Variants in CSMD1 observed in about 807,000 individuals in gnomAD.
CSMD1 encodes CUB and Sushi multiple domains 1.
CSMD1 carries 213 observed loss-of-function variants against 417.5 expected under a neutral mutation model. The ratio of observed to expected loss-of-function variants is 0.51; its 90% CI spans 0.46 to 0.57. The LOEUF (loss-of-function observed/expected upper bound fraction) is 0.57. Ranked by LOEUF, CSMD1 falls within the 20% of genes least tolerant of loss-of-function variation. CSMD1 has a pLI of 0.00. For missense variants in CSMD1, 6,923 were observed against 4,529.7 expected (o/e 1.53, Z -15.17); for synonymous variants, 2,862 against 1,736.8 (o/e 1.65, Z -16.11).
At chr8:4,445,969 G>C (rs971276188) in intron 2 of CSMD1, among the ~76,000 whole-genome samples, 2 of 152,118 alleles carry the variant, frequency 1.3e-5, no homozygotes, top group Non-Finnish European at 2.9e-5. Context: ...TAGACGAAAG[G>C]ATAGCAACAA....
intron 7 of CSMD1, among the ~76,000 whole-genome samples, chr8:3,625,553 T>G (rs1240361181): frequency 2.6e-5 from 4 of 152,170 alleles, no homozygotes; most frequent in Non-Finnish European, 5.9e-5. Context: ...TCAACTGCCA[T>G]GGTCTTAAAT....
intron 3 of CSMD1, among the ~76,000 whole-genome samples, chr8:4,238,410 A>G (rs1480718456): frequency 6.6e-6 from 1 of 152,164 alleles, no homozygotes; most frequent in East Asian, 1.9e-4. Context: ...CACACATGGT[A>G]TACCCTAGAG....
intron 69 of CSMD1, 78 bp from the exon 70 acceptor site, chr8:2,938,822 C>T (rs190750143): frequency 1.5e-6 from 2 of 1,304,340 alleles, no homozygotes; most frequent in Admixed American, 2.0e-5. Flanking sequence ...GTGCAGGAGA[C>T]AACGTCTACA....
At chr8:4,202,432 C>G (rs1047432467) in intron 3 of CSMD1, among the ~76,000 whole-genome samples, 3 of 152,060 alleles carry the variant, frequency 2.0e-5, no homozygotes, top group African/African-American at 7.2e-5. Context: ...ATGTAGAGGT[C>G]GTGGAAATGT....
At chr8:2,942,949 A>T (rs2604124) in intron 68 of CSMD1, among the ~76,000 whole-genome samples, 118,160 of 152,096 alleles carry the variant, frequency 0.78, 46,249 homozygotes, top group East Asian at 0.91. Flanking sequence ...CTATATTCAG[A>T]GGTCAATAAT....
intron 26 of CSMD1, among the ~76,000 whole-genome samples, chr8:3,244,037 A>G (rs982688491): frequency 1.3e-5 from 2 of 152,190 alleles, no homozygotes; most frequent in Non-Finnish European, 2.9e-5. Flanking sequence ...TGCTTCTCAC[A>G]TCTGTAGAAA....
At chr8:3,633,339 G>A (rs185311841) in intron 7 of CSMD1, among the ~76,000 whole-genome samples, 8 of 152,330 alleles carry the variant, frequency 5.3e-5, no homozygotes, top group Admixed American at 3.9e-4. Flanking sequence ...GAGGTGCACT[G>A]TGTCAAAGGT....
rs929767716 is a variant in CSMD1 at position 3,879,104 on chromosome 8, T to A, written c.818+118799A>T. Among the ~76,000 whole-genome samples, 3 of 152,196 alleles carry A rather than the reference T, an allele frequency of 2.0e-5. No individual in the cohort carries two copies. The South Asian group carries it at 6.2e-4, about 32-fold the overall frequency. On this transcript the variant is annotated intron_variant, in intron 5 of 69. Transcript: ENST00000635120. Reference sequence around the variant, plus strand: ...TGGGGTACCCAAGCATGTAGTCATCTTCTTGAATCTTAGGTGTTCAAACAA... The same window carrying A: ...TGGGGTACCCAAGCATGTAGTCATCATCTTGAATCTTAGGTGTTCAAACAA...
chr8:3,917,030 T>G (rs1334437366), intron 5 of CSMD1, among the ~76,000 whole-genome samples: 1 of 152,186 alleles, frequency 6.6e-6, no homozygotes, highest in African/African-American at 2.4e-5. Flanking sequence ...TGGAAATTGA[T>G]TTTATTTTCT....
chr8:3,588,197 T>C (rs982192938), intron 8 of CSMD1, among the ~76,000 whole-genome samples: 3 of 152,124 alleles, frequency 2.0e-5, no homozygotes, highest in African/African-American at 2.4e-5. Flanking sequence ...TATATTGTCA[T>C]TGAACATCTG....
chr8:2,981,741 G>A (rs560460746), intron 54 of CSMD1, among the ~76,000 whole-genome samples: 2 of 152,206 alleles, frequency 1.3e-5, no homozygotes, highest in African/African-American at 2.4e-5. Context: ...TGTGGCGAAA[G>A]CTGGGTATGT....
At chr8:3,703,965 G>A (rs1005128213) in intron 7 of CSMD1, among the ~76,000 whole-genome samples, 12 of 152,118 alleles carry the variant, frequency 7.9e-5, no homozygotes, top group African/African-American at 2.4e-4. Context: ...CTGCTATTTG[G>A]GAGGCTGAGA....
intron 2 of CSMD1, among the ~76,000 whole-genome samples, chr8:4,547,101 T>A (rs1398330261): frequency 6.6e-6 from 1 of 152,198 alleles, no homozygotes; most frequent in Non-Finnish European, 1.5e-5. Context: ...TCACCTAAAA[T>A]TCAATATATG....
chr8:4,188,479 C>A (rs193187696), intron 3 of CSMD1, among the ~76,000 whole-genome samples: 1 of 152,146 alleles, frequency 6.6e-6, no homozygotes, highest in Non-Finnish European at 1.5e-5. Context: ...AAGGGTCCAT[C>A]AACCATGGTT....
At position 3,252,609 on chromosome 8, in the gene CSMD1, A is replaced by G. The variant is rs181890157; in HGVS notation, c.4154-22378T>C. Among the ~76,000 whole-genome samples the G allele has an allele frequency of 1.7e-3, 255 of 152,114 alleles. 1 individual carries two copies. Among genetic ancestry groups the G allele is most frequent in the East Asian group, 5.4e-3 (28 of 5,158 alleles). ...GTTAGGGAGGATTCCCTCTTTTTCT[A>G]TTGATTGAATAGTTTCAGAAGGAAT... On this transcript the variant is annotated intron_variant, in intron 26 of 69. Transcript: ENST00000635120.
chr8:4,345,271 AT>A (rs1215864515), intron 3 of CSMD1, among the ~76,000 whole-genome samples: 1 of 152,174 alleles, frequency 6.6e-6, no homozygotes, highest in Non-Finnish European at 1.5e-5. Context: ...ATAGGAACTT[AT>A]GCTTTCTATG....
At chr8:3,915,714 G>A (rs923184491) in intron 5 of CSMD1, among the ~76,000 whole-genome samples, 2 of 150,690 alleles carry the variant, frequency 1.3e-5, no homozygotes, top group East Asian at 1.9e-4. Flanking sequence ...TTTATTGGTT[G>A]AATGTTAATT....
intron 2 of CSMD1, among the ~76,000 whole-genome samples, chr8:4,503,815 T>A (rs1019846777): frequency 2.6e-5 from 4 of 152,270 alleles, no homozygotes; most frequent in Non-Finnish European, 5.9e-5. Flanking sequence ...TCATCACCTA[T>A]GTGCGGCTTT....
intron 3 of CSMD1, among the ~76,000 whole-genome samples, chr8:4,185,967 G>A (rs1700086): frequency 0.98 from 148,623 of 152,240 alleles, 72,632 homozygotes; most frequent in East Asian, 1. Flanking sequence ...GTGGAATACA[G>A]AAATCATTCT....
Sources: gnomAD v4.1 joint callset for allele counts (sites outside exome capture counted in the v4.1 genomes callset) on GRCh38, gnomAD v4.1.1 for gene constraint, MANE v1.5 for transcripts, NCBI Gene and HGNC (gene_info 2026-07-23, HGNC 2026-07-21) for gene names.